The following CWF19L1 variants were observed in gnomAD, a reference collection of about 807,000 sequenced individuals.
The protein encoded by CWF19L1 is CWF19-like protein 1.
CWF19L1 carries 60 observed loss-of-function variants against 69.7 expected under a neutral mutation model. The observed-to-expected ratio is 0.86, with a 90% CI of 0.70 to 1.07. The LOEUF is 1.07. CWF19L1 is among the 50% of genes least tolerant of loss of function. The probability of loss-of-function intolerance (pLI) is 0.00; values close to 1 mark genes in which losing one functional copy is unlikely to be tolerated. For missense variants in CWF19L1, 591 were observed against 638.9 expected (o/e 0.92, Z 0.81); for synonymous variants, 209 against 222.2 (o/e 0.94, Z 0.53).
intron 2 of CWF19L1, among the ~76,000 whole-genome samples, 185 bp downstream of exon 2, chr10:100,261,794 A>G (rs1477294560): frequency 6.6e-6 from 1 of 152,238 alleles, no homozygotes; most frequent in Non-Finnish European, 1.5e-5. Context: ...ATAAAGATCA[A>G]TAGTAAACAG....
At chr10:100,234,072 G>T (rs757822540) in intron 13 of CWF19L1, 1 of 151,954 alleles carries the variant, frequency 6.6e-6, no homozygotes, top group South Asian at 2.1e-4. Flanking sequence ...CCTTCTAATC[G>T]CCATTGCTTT....
At chr10:100,253,200 C>G (rs1408656660) in intron 6 of CWF19L1, among the ~76,000 whole-genome samples, 1 of 152,130 alleles carries the variant, frequency 6.6e-6, no homozygotes, top group African/African-American at 2.4e-5. Flanking sequence ...AAGGAAAAAA[C>G]TGATACAAGT....
At chr10:100,238,630 T>C (rs1846532396) in intron 10 of CWF19L1, among the ~76,000 whole-genome samples, 1 of 152,110 alleles carries the variant, frequency 6.6e-6, no homozygotes, top group Non-Finnish European at 1.5e-5. Context: ...CAACTTCTGA[T>C]TTCAAAATGA....
intron 1 of CWF19L1, among the ~76,000 whole-genome samples, chr10:100,267,042 CATCTG>C (rs1193837989): frequency 6.6e-6 from 1 of 151,264 alleles, no homozygotes; most frequent in Non-Finnish European, 1.5e-5. Context: ...GCAGGAACTC[CATCTG>C]TTGCAACACC....
chr10:100,242,630 C>T (rs11190436), intron 10 of CWF19L1, among the ~76,000 whole-genome samples: 10,977 of 150,126 alleles, frequency 0.073, 688 homozygotes, highest in African/African-American at 0.16. Context: ...ACTGAGATCA[C>T]GCCATTGCAC....
At chr10:100,249,602 C>T (rs184241806) in intron 7 of CWF19L1, among the ~76,000 whole-genome samples, 17 of 151,846 alleles carry the variant, frequency 1.1e-4, no homozygotes, top group African/African-American at 2.9e-4. Flanking sequence ...TTTTGTTTCC[C>T]GAGACAGAGT....
Position 100,243,790 on chromosome 10 carries a change from G to C in CWF19L1, c.965-13C>G. On this transcript the variant is annotated splice_polypyrimidine_tract_variant and intron_variant, in intron 9 of 13. Coordinates refer to ENST00000354105, the MANE Select transcript of CWF19L1 (RefSeq NM_018294.6). Reference sequence around the variant, plus strand: ...CCTGGAGGCTGAGCTTCATGTAAAAGAAAGCCAGGTGTTACTATGGTCCAA... The same window carrying C: ...CCTGGAGGCTGAGCTTCATGTAAAACAAAGCCAGGTGTTACTATGGTCCAA... The C allele has an allele frequency of 6.2e-7, 1 of 1,611,988 alleles. No individual in the cohort carries two copies. Among genetic ancestry groups the C allele is most frequent in the Non-Finnish European group, 8.5e-7 (1 of 1,178,094 alleles).
intron 4 of CWF19L1, among the ~76,000 whole-genome samples, chr10:100,259,130 G>T (rs188491018): frequency 9.3e-5 from 14 of 151,188 alleles, no homozygotes; most frequent in Admixed American, 2.6e-4. Context: ...GAACCAGGGA[G>T]TCGGATGTTG....
intron 7 of CWF19L1, among the ~76,000 whole-genome samples, chr10:100,249,926 G>C (rs1846967322): frequency 6.6e-6 from 1 of 152,200 alleles, no homozygotes; most frequent in Admixed American, 6.5e-5. Flanking sequence ...AGTTGCTAAA[G>C]AAGTAAGCAA....
chr10:100,267,147 C>CCCAAA (rs1847624171), intron 1 of CWF19L1, among the ~76,000 whole-genome samples: 3 of 30,770 alleles, frequency 9.7e-5, no homozygotes, highest in African/African-American at 1.2e-4. Flanking sequence ...CTCCTCCTCG[C>CCCAAA]AAAAAAAAAA....
chr10:100,258,152 C>T (rs1847274736), intron 4 of CWF19L1, among the ~76,000 whole-genome samples: 1 of 152,160 alleles, frequency 6.6e-6, no homozygotes. Context: ...GCAGAAGAAT[C>T]GCTTGAATCC....
intron 10 of CWF19L1, among the ~76,000 whole-genome samples, chr10:100,242,213 A>AACCATATC (rs1474312520): frequency 6.6e-6 from 1 of 152,190 alleles, no homozygotes; most frequent in Admixed American, 6.5e-5. Flanking sequence ...CTTACCAAAC[A>AACCATATC]ACCATATCAT....
In CWF19L1 at chr10:100,256,446, C is replaced by T; in HGVS notation, c.320G>A (p.Gly107Glu). 1 of 1,614,164 alleles carries T rather than the reference C, an allele frequency of 6.2e-7. No homozygotes were observed. Among genetic ancestry groups the T allele is most frequent in the Non-Finnish European group, 8.5e-7 (1 of 1,180,030 alleles). Residue 107 changes from glycine to glutamate, a missense_variant, in exon 5 of 14, where the codon GGG (glycine) becomes GAG (glutamate). This residue lies in a region of CWF19L1 where 129 missense variants were observed against 131.3 expected (regional missense o/e 0.98). Transcript: ENST00000354105. ...CCCACTGAGGTACACAATCTGCAGC[C>T]CCGAGCTTCCAGTGAAGATACCTTT... ...GRKGIFTGSS[G>E]LQIVYLSGTE...
At chr10:100,264,146 C>T (rs912147173) in intron 1 of CWF19L1, among the ~76,000 whole-genome samples, 1 of 152,134 alleles carries the variant, frequency 6.6e-6, no homozygotes, top group Non-Finnish European at 1.5e-5. Flanking sequence ...CTGGTATAAA[C>T]CTACTGGGCT....
At chr10:100,234,822 T>C (rs1293171661) in intron 13 of CWF19L1, among the ~76,000 whole-genome samples, 2 of 152,232 alleles carry the variant, frequency 1.3e-5, no homozygotes, top group East Asian at 1.9e-4. Flanking sequence ...CTCTATGGTT[T>C]TGCAGTCATG....
At position 100,256,324 on chromosome 10, in the gene CWF19L1, C is replaced by T; in HGVS notation, c.442G>A (p.Gly148Ser). 1 of 1,614,124 alleles carries T rather than the reference C, an allele frequency of 6.2e-7. No homozygotes were observed. The highest frequency in any genetic ancestry group is 1.1e-5 in the South Asian group (1 of 91,084). Residue 148 changes from glycine (G) to serine (S), a missense_variant, in exon 5 of 14, where the codon GGT becomes AGT. Physicochemically the swap from Gly to Ser is moderately conservative, Grantham distance 56 (BLOSUM62 0). Coordinates refer to ENST00000354105, the MANE Select transcript of CWF19L1 (RefSeq NM_018294.6). ...MMLCTTSQFK[G>S]VDILLTSPWP... ...GGGGATGTGAGCAAGATATCAACAC[C>T]CTTAAACTGGGAGGTTGTACACAGC...
chr10:100,265,075 T>C (rs935752289), intron 1 of CWF19L1, among the ~76,000 whole-genome samples: 7 of 151,334 alleles, frequency 4.6e-5, no homozygotes, highest in Non-Finnish European at 1.0e-4. Flanking sequence ...GAGCCGTGAT[T>C]GCACAATTGC....
intron 12 of CWF19L1, among the ~76,000 whole-genome samples, chr10:100,236,597 C>T (rs1019504020): frequency 1.4e-4 from 22 of 152,086 alleles, no homozygotes; most frequent in Non-Finnish European, 2.8e-4. Flanking sequence ...TGGTGAAACC[C>T]CGTCTCGACT....
At chr10:100,248,712 C>T (rs768864310) in intron 7 of CWF19L1, 12 of 1,106,094 alleles carry the variant, frequency 1.1e-5, no homozygotes, top group East Asian at 4.7e-5. Context: ...AGATGAGCAA[C>T]GACCTTACAG....
Sources: allele counts gnomAD v4.1 joint callset (sites outside exome capture counted in the v4.1 genomes callset), GRCh38; gene constraint gnomAD v4.1.1; regional missense constraint gnomAD v4.1.1; transcripts MANE v1.5; gene names NCBI Gene and HGNC (gene_info 2026-07-23, HGNC 2026-07-21).